MYH9: variants seen among roughly 807,000 people sequenced by gnomAD.
MYH9 encodes the protein myosin-9.
Under a neutral mutation model 241.9 loss-of-function variants are expected in MYH9, and 29 were observed. The ratio of observed to expected loss-of-function variants is 0.12; its 90% CI spans 0.09 to 0.16. The LOEUF (loss-of-function observed/expected upper bound fraction) is 0.16. MYH9 is among the 10% of genes least tolerant of loss of function. The pLI, the probability that MYH9 is intolerant of heterozygous loss-of-function variation, is 1.00. For synonymous variants in MYH9, 1,047 were observed against 1,062.6 expected (o/e 0.99, Z 0.29); for missense variants, 1,803 against 2,595.5 (o/e 0.69, Z 6.63).
Position 36,300,001 on chromosome 22 carries a change from C to A in MYH9, c.2976+126G>T. On this transcript the variant is annotated intron_variant, in intron 23 of 40. Coordinates refer to ENST00000216181, the MANE Select transcript of MYH9 (RefSeq NM_002473.6). This position sits in a 1 kb window ranked among gnomAD's most constrained non-coding sequence, Gnocchi z 5.0. ...GGGAGCACTTGCAGTTAAGCAGAAG[C>A]CCTCATGCTGCAGGCAGAAGAGACA... 2 of 1,365,472 alleles carry A rather than the reference C, an allele frequency of 1.5e-6. No individual in the cohort carries two copies. Among genetic ancestry groups the A allele is most frequent in the Non-Finnish European group, 2.1e-6 (2 of 971,548 alleles). 84.6% of individuals were successfully genotyped at this position (1,365,472 alleles called of 1,614,324 possible).
Position 36,306,161 on chromosome 22 carries a change from C to T in MYH9, c.2038-110G>A, listed in dbSNP as rs2016966287. The T allele has an allele frequency of 3.2e-6, 5 of 1,543,956 alleles. No individual in the cohort carries two copies. The highest frequency in any genetic ancestry group is 4.4e-6 in the Non-Finnish European group (5 of 1,131,168). ...AGGGCAAGAGCCTAAGGGAGGGGGTCGCTACAGCCCACAGGTTTGGACAAT... is the reference window on the plus strand; with the variant it reads ...AGGGCAAGAGCCTAAGGGAGGGGGTTGCTACAGCCCACAGGTTTGGACAAT... On this transcript the variant is annotated intron_variant, in intron 16 of 40. Coordinates refer to ENST00000216181, the MANE Select transcript of MYH9 (RefSeq NM_002473.6). The surrounding 1 kb of genome is among the most constrained non-coding windows in gnomAD (Gnocchi z 4.1).
Position 36,348,851 on chromosome 22 carries a change from C to CAA in MYH9, c.333+52_333+53insTT. ...GTGATGGGAAGACCCGCCCCCCCCCCCCACCTCGGAGCCCTCAGACCCAGC... is the reference window on the plus strand; with the variant it reads ...GTGATGGGAAGACCCGCCCCCCCCCCAACCACCTCGGAGCCCTCAGACCCAGC... On this transcript the variant is annotated intron_variant, in intron 2 of 40. Coordinates refer to ENST00000216181, the MANE Select transcript of MYH9 (RefSeq NM_002473.6). 22 of 1,155,208 alleles carry CAA rather than the reference C, an allele frequency of 1.9e-5. No homozygotes were observed. The African/African-American group carries it at 2.8e-4, about 15-fold the overall frequency. 71.6% of individuals were successfully genotyped at this position (1,155,208 alleles called of 1,614,324 possible).
In MYH9 at chr22:36,300,762, T is replaced by C. The variant is rs2016863805; in HGVS notation, c.2838+89A>G. On this transcript the variant is annotated intron_variant, in intron 22 of 40. Coordinates refer to ENST00000216181, the MANE Select transcript of MYH9 (RefSeq NM_002473.6). This position sits in a 1 kb window ranked among gnomAD's most constrained non-coding sequence, Gnocchi z 5.0. ...GAGGAGCAGCCTCCTTGGACCCTAATTCCATGTTCTCCCAGCTCCTGGTTC... is the reference window on the plus strand; with the variant it reads ...GAGGAGCAGCCTCCTTGGACCCTAACTCCATGTTCTCCCAGCTCCTGGTTC... 1.4e-6 allele frequency: 2 copies of C among 1,472,310 alleles called. No homozygotes were observed. The highest frequency in any genetic ancestry group is 4.6e-5 in the East Asian group (2 of 43,876). 91.2% of individuals were successfully genotyped at this position (1,472,310 alleles called of 1,614,324 possible).
chr22:36,314,136 G>A lies in MYH9; in HGVS notation c.1554+9C>T, dbSNP rs765346971. 6.2e-7 allele frequency: 1 copy of A among 1,613,398 alleles called. No individual in the cohort carries two copies. The highest frequency in any genetic ancestry group is 1.7e-5 in the Admixed American group (1 of 60,024). On this transcript the variant is annotated intron_variant, in intron 13 of 40. Coordinates refer to ENST00000216181, the MANE Select transcript of MYH9 (RefSeq NM_002473.6). ...GCAGGTGTGAGGTCAAAGCAAGCCTGGTACTCACTGGCTTCTCAATGAGGT... is the reference window on the plus strand; with the variant it reads ...GCAGGTGTGAGGTCAAAGCAAGCCTAGTACTCACTGGCTTCTCAATGAGGT...
chr22:36,294,043 C>T, intron 28 of MYH9, 49 bp downstream of exon 28: 2 of 1,597,162 alleles, frequency 1.3e-6, no homozygotes, highest in Non-Finnish European at 1.7e-6. Flanking sequence ...TGGGCCACAA[C>T]TGCTGCTAGG....
intron 1 of MYH9, among the ~76,000 whole-genome samples, chr22:36,358,843 G>A (rs1237892337): frequency 6.6e-6 from 1 of 152,138 alleles, no homozygotes; most frequent in Admixed American, 6.6e-5. Flanking sequence ...GATATTATTT[G>A]ATCAGTTCAA....
chr22:36,281,590 G>C lies in MYH9; in HGVS notation c.*1078C>G. The stretch of plus-strand genomic sequence containing the variant: ...GGAATACAAGTAAATTCGGCAACCA[G>C]TGTAGACCAGTGAGGACGAGCTACT... On this transcript the variant is annotated 3_prime_UTR_variant, in exon 41 of 41. Coordinates refer to ENST00000216181, the MANE Select transcript of MYH9 (RefSeq NM_002473.6). 4.3e-6 allele frequency: 1 copy of C among 230,164 alleles called. No homozygotes were observed. Among genetic ancestry groups the C allele is most frequent in the Non-Finnish European group, 8.6e-6 (1 of 115,864 alleles). The allele number at this position is 230,164 out of a possible 1,614,324, so 14.3% of individuals were successfully genotyped here.
Position 36,293,873 on chromosome 22 carries a change from G to T in MYH9, c.3838-10C>A. 1 of 1,610,680 alleles carries T rather than the reference G, an allele frequency of 6.2e-7. No individual in the cohort carries two copies. Among genetic ancestry groups the T allele is most frequent in the South Asian group, 1.1e-5 (1 of 90,630 alleles). On this transcript the variant is annotated splice_polypyrimidine_tract_variant and intron_variant, in intron 28 of 40. Transcript: ENST00000216181. This position sits in a 1 kb window ranked among gnomAD's most constrained non-coding sequence, Gnocchi z 5.1. Reference sequence around the variant, plus strand: ...CGTTGTCCAGCTCCACCTGCACCGGGCGGGGAGACACAAAGGACCATGGAC... The same window carrying T: ...CGTTGTCCAGCTCCACCTGCACCGGTCGGGGAGACACAAAGGACCATGGAC...
intron 5 of MYH9, among the ~76,000 whole-genome samples, chr22:36,323,721 A>C (rs371594529): frequency 2.0e-5 from 3 of 151,780 alleles, no homozygotes; most frequent in South Asian, 2.1e-4. Flanking sequence ...CACAGCAGAG[A>C]CTCTTCCTCT....
intron 30 of MYH9, 51 bp from the exon 31 acceptor site, chr22:36,292,285 T>C (rs1420286876): frequency 1.2e-6 from 2 of 1,610,102 alleles, no homozygotes; most frequent in Admixed American, 3.3e-5. Context: ...CCTGCTCAGG[T>C]GGCACACCCG....
chr22:36,304,957 T>TG (rs2016945328), intron 18 of MYH9, 76 bp downstream of exon 18: 1 of 1,408,404 alleles, frequency 7.1e-7, no homozygotes, highest in African/African-American at 1.4e-5. Flanking sequence ...TATAGCAAGG[T>TG]GGGCCCTGGC....
chr22:36,300,285 G>T lies in MYH9; in HGVS notation c.2839-21C>A. The stretch of plus-strand genomic sequence containing the variant: ...AGCTCCTGCCGGGGGCCAGAGACAC[G>T]GTAAGGACAGCAGGCCCAGAGGCAT... On this transcript the variant is annotated intron_variant, in intron 22 of 40. Coordinates refer to ENST00000216181, the MANE Select transcript of MYH9 (RefSeq NM_002473.6). The surrounding 1 kb of genome is among the most constrained non-coding windows in gnomAD (Gnocchi z 5.0). 6.2e-7 allele frequency: 1 copy of T among 1,611,404 alleles called. No individual in the cohort carries two copies. The highest frequency in any genetic ancestry group is 8.5e-7 in the Non-Finnish European group (1 of 1,180,016).
intron 1 of MYH9, among the ~76,000 whole-genome samples, chr22:36,353,131 GTA>G (rs529748788): frequency 1.4e-3 from 203 of 144,816 alleles, no homozygotes; most frequent in African/African-American, 5.2e-3. Context: ...GTGTGTGTGT[GTA>G]TAAGTGTGTT....
chr22:36,353,313 C>T (rs1262744513), intron 1 of MYH9, among the ~76,000 whole-genome samples: 1 of 152,160 alleles, frequency 6.6e-6, no homozygotes. Context: ...CAGCAGCCAG[C>T]GTGCAGCCAC....
chr22:36,332,661 TAA>T (rs67602880), intron 3 of MYH9, among the ~76,000 whole-genome samples: 143 of 44,490 alleles, frequency 3.2e-3, no homozygotes, highest in South Asian at 9.2e-3. Flanking sequence ...TCTGGATAAT[TAA>T]AAAAAAAAAA....
intron 9 of MYH9, 133 bp from the exon 10 acceptor site, chr22:36,319,768 A>T: frequency 2.3e-6 from 2 of 880,212 alleles, no homozygotes; most frequent in Non-Finnish European, 3.7e-6. Flanking sequence ...CTGGGGCCAC[A>T]GGGGCGCCAG....
At chr22:36,304,876 C>T (rs1363717118) in intron 18 of MYH9, among the ~76,000 whole-genome samples, 157 bp downstream of exon 18, 1 of 152,254 alleles carries the variant, frequency 6.6e-6, no homozygotes, top group Admixed American at 6.5e-5. Context: ...GGGGCTACTG[C>T]AAAGGGCGCC....
chr22:36,315,368 G>A (rs570185235), intron 12 of MYH9, among the ~76,000 whole-genome samples: 398 of 152,164 alleles, frequency 2.6e-3, no homozygotes, highest in Non-Finnish European at 4.7e-3. Flanking sequence ...CAAACCTCCC[G>A]TGGACTCCAG....
intron 3 of MYH9, among the ~76,000 whole-genome samples, chr22:36,328,130 C>T (rs758446382): frequency 1.1e-4 from 16 of 152,302 alleles, no homozygotes; most frequent in African/African-American, 1.9e-4. Flanking sequence ...AAGTGGAAGG[C>T]GTGCAATGAT....
Sources: allele counts gnomAD v4.1 joint callset (sites outside exome capture counted in the v4.1 genomes callset), GRCh38; gene constraint gnomAD v4.1.1; non-coding constraint Gnocchi (gnomAD v3.1); transcripts MANE v1.5; gene names NCBI Gene and HGNC (gene_info 2026-07-23, HGNC 2026-07-21).